The following FYB1 variants were observed in gnomAD, a reference collection of about 807,000 sequenced individuals.
The protein encoded by FYB1 is FYN binding protein 1.
A neutral mutation model predicts 94.1 loss-of-function variants in FYB1; 41 were observed. That is an observed-to-expected ratio of 0.44 (90% confidence interval 0.34 to 0.57). FYB1 has a LOEUF of 0.57. Among genes scored for constraint, FYB1 ranks in the 20% least tolerant of loss-of-function variants. The probability of loss-of-function intolerance (pLI) is 0.02; values close to 1 mark genes in which losing one functional copy is unlikely to be tolerated. For missense variants in FYB1, 1,050 were observed against 976.8 expected (o/e 1.07, Z -1.00); for synonymous variants, 367 against 353.2 (o/e 1.04, Z -0.44).
intron 2 of FYB1, chr5:39,169,303 CA>C: frequency 1.2e-6 from 1 of 814,782 alleles, no homozygotes; most frequent in South Asian, 1.3e-5. Context: ...TATATAATCA[CA>C]AAAACTCATG....
intron 17 of FYB1, among the ~76,000 whole-genome samples, chr5:39,109,563 T>C (rs1738861730): frequency 6.6e-6 from 1 of 152,160 alleles, no homozygotes; most frequent in African/African-American, 2.4e-5. Context: ...TGGCCTTTAC[T>C]AGTTTGCCAG....
At chr5:39,155,029 C>T (rs938450119) in intron 2 of FYB1, among the ~76,000 whole-genome samples, 1 of 152,082 alleles carries the variant, frequency 6.6e-6, no homozygotes, top group African/African-American at 2.4e-5. Context: ...TGTAATTAGG[C>T]TGCTTTGGAT....
At chr5:39,268,486 C>T (rs1358844042) in intron 1 of FYB1, among the ~76,000 whole-genome samples, 3 of 152,072 alleles carry the variant, frequency 2.0e-5, no homozygotes, top group Admixed American at 2.0e-4. Context: ...CCCACTTTGA[C>T]CTCCCAAAAA....
intron 2 of FYB1, chr5:39,169,362 TC>T (rs34927243): frequency 0.1 from 76,430 of 760,456 alleles, 9,448 homozygotes; most frequent in East Asian, 0.5. Flanking sequence ...ACTAAACCGG[TC>T]AATTGAACTA....
intron 2 of FYB1, among the ~76,000 whole-genome samples, chr5:39,162,316 T>C (rs1410746367): frequency 6.6e-6 from 1 of 152,234 alleles, no homozygotes. Context: ...TGTATGTCTT[T>C]GACTGCAAGC....
Position 39,180,332 on chromosome 5 carries a change from T to G in FYB1, c.1135+21494A>C, listed in dbSNP as rs1483188636. Among the ~76,000 whole-genome samples the G allele has an allele frequency of 2.0e-5, 3 of 152,228 alleles. No homozygotes were observed. In the East Asian group the frequency reaches 5.8e-4, roughly 29 times the overall value. On this transcript the variant is annotated intron_variant, in intron 2 of 18. Coordinates refer to ENST00000512982, the MANE Select transcript of FYB1 (RefSeq NM_001465.6). ...CTTGCCTCCTTTGTTCTTTTCCATT[T>G]TCACGTGCTCACCATTCCCCTGATG...
At position 39,200,481 on chromosome 5, in the gene FYB1, G is replaced by A. The variant is rs559800163; in HGVS notation, c.1135+1345C>T. Among the ~76,000 whole-genome samples the A allele has an allele frequency of 1.3e-4, 20 of 152,292 alleles. 1 individual carries two copies. Among genetic ancestry groups the A allele is most frequent in the Admixed American group, 2.6e-4 (4 of 15,290 alleles). ...GGTCATAATACTAAATTTTTTATCC[G>A]AGGTGAAGAAATAAGAGAAATAAGG... On this transcript the variant is annotated intron_variant, in intron 2 of 18. Coordinates refer to ENST00000512982, the MANE Select transcript of FYB1 (RefSeq NM_001465.6).
At chr5:39,174,245 T>C (rs1312094977) in intron 2 of FYB1, among the ~76,000 whole-genome samples, 1 of 152,288 alleles carries the variant, frequency 6.6e-6, no homozygotes, top group African/African-American at 2.4e-5. Context: ...TTTGGTTCTC[T>C]GCTAGAATGT....
intron 1 of FYB1, among the ~76,000 whole-genome samples, chr5:39,218,054 T>C (rs1750012360): frequency 6.6e-6 from 1 of 152,222 alleles, no homozygotes; most frequent in Non-Finnish European, 1.5e-5. Context: ...TCCAAGCCTC[T>C]GGACTCCAGC....
chr5:39,258,431 C>A (rs1752062289), intron 1 of FYB1, among the ~76,000 whole-genome samples: 1 of 152,098 alleles, frequency 6.6e-6, no homozygotes, highest in Non-Finnish European at 1.5e-5. Flanking sequence ...GAAACCCCAT[C>A]TCTAATAAAA....
intron 1 of FYB1, chr5:39,250,794 G>A (rs1341741274): frequency 6.6e-6 from 1 of 152,192 alleles, no homozygotes; most frequent in African/African-American, 2.4e-5. Context: ...GTGCTGGGAA[G>A]TGGCTAGAAA....
intron 16 of FYB1, among the ~76,000 whole-genome samples, chr5:39,114,195 G>C (rs11740380): frequency 0.018 from 2,763 of 152,136 alleles, 34 homozygotes; most frequent in Non-Finnish European, 0.031. Context: ...TACATCTTTT[G>C]TAGAAAATTT....
At chr5:39,233,398 C>T (rs752023226) in intron 1 of FYB1, among the ~76,000 whole-genome samples, 1 of 152,096 alleles carries the variant, frequency 6.6e-6, no homozygotes, top group Non-Finnish European at 1.5e-5. Flanking sequence ...GCTTACAAGT[C>T]CAGTTGTTTT....
chr5:39,253,361 AAC>A (rs1304104012), intron 1 of FYB1, among the ~76,000 whole-genome samples: 1 of 132,098 alleles, frequency 7.6e-6, no homozygotes, highest in Non-Finnish European at 1.5e-5. Context: ...AATGTCTATA[AAC>A]ACTGCCAAAA....
rs968882949 is a variant in FYB1 at position 39,196,212 on chromosome 5, T to C, written c.1135+5614A>G. 7.4e-5 allele frequency among the ~76,000 whole-genome samples: 11 copies of C among 149,370 alleles called. No homozygotes were observed. The East Asian group carries it at 1.2e-3, about 16-fold the overall frequency. ...TCTAGTTAAATATAATTCTTTCTTTTTTTTTTTTTTTTTTTGAGATAGGGT... is the reference window on the plus strand; with the variant it reads ...TCTAGTTAAATATAATTCTTTCTTTCTTTTTTTTTTTTTTTGAGATAGGGT... On this transcript the variant is annotated intron_variant, in intron 2 of 18. Coordinates refer to ENST00000512982, the MANE Select transcript of FYB1 (RefSeq NM_001465.6).
intron 2 of FYB1, among the ~76,000 whole-genome samples, chr5:39,163,548 A>G (rs1744454859): frequency 6.6e-6 from 1 of 152,376 alleles, no homozygotes; most frequent in Admixed American, 6.5e-5. Context: ...TTTTTTCAAC[A>G]GTTAAAAATT....
At chr5:39,159,835 A>G (rs533470494) in intron 2 of FYB1, among the ~76,000 whole-genome samples, 1 of 152,258 alleles carries the variant, frequency 6.6e-6, no homozygotes, top group Non-Finnish European at 1.5e-5. Flanking sequence ...AGAAACATTC[A>G]CTAAGCACTT....
At chr5:39,192,805 C>G (rs1343605052) in intron 2 of FYB1, among the ~76,000 whole-genome samples, 1 of 152,172 alleles carries the variant, frequency 6.6e-6, no homozygotes, top group African/African-American at 2.4e-5. Flanking sequence ...TCTTGAAGGT[C>G]AAATTGAGTG....
chr5:39,206,629 C>T (rs189763125), intron 1 of FYB1, among the ~76,000 whole-genome samples: 10 of 152,262 alleles, frequency 6.6e-5, no homozygotes, highest in East Asian at 1.9e-4. Context: ...TTTACCAGTA[C>T]AGTATGAGTT....
Sources: allele counts gnomAD v4.1 joint callset (sites outside exome capture counted in the v4.1 genomes callset), GRCh38; gene constraint gnomAD v4.1.1; transcripts MANE v1.5; gene names NCBI Gene and HGNC (gene_info 2026-07-23, HGNC 2026-07-21).